Variants in TTC17 observed in about 807,000 individuals in gnomAD.
The protein encoded by TTC17 is tetratricopeptide repeat domain 17.
In TTC17, 58 loss-of-function variants were observed where a neutral mutation model predicts 143.8. The ratio of observed to expected loss-of-function variants is 0.40; its 90% CI spans 0.33 to 0.50. The LOEUF (loss-of-function observed/expected upper bound fraction) is 0.50, where lower values mean the gene tolerates loss of function less well. Ranked by LOEUF, TTC17 falls within the 20% of genes least tolerant of loss-of-function variation. TTC17 has a pLI of 0.49. For synonymous variants in TTC17, 501 were observed against 497.8 expected (o/e 1.01, Z -0.09); for missense variants, 1,273 against 1,392.5 (o/e 0.91, Z 1.37).
At position 43,405,511 on chromosome 11, in the gene TTC17, C is replaced by T. The variant is rs759238066; in HGVS notation, c.1480-3C>T. 5.0e-6 allele frequency: 8 copies of T among 1,607,392 alleles called. No individual in the cohort carries two copies. Among genetic ancestry groups the T allele is most frequent in the Non-Finnish European group, 6.8e-6 (8 of 1,176,762 alleles). On this transcript the variant is annotated splice_polypyrimidine_tract_variant and splice_region_variant and intron_variant, in intron 11 of 23. Coordinates refer to ENST00000039989, the MANE Select transcript of TTC17 (RefSeq NM_018259.6). ...TTTATGAGAAATTTTGTTTCTTTAT[C>T]AGGACAAACAGCATATTCTATGGCC...
intron 1 of TTC17, among the ~76,000 whole-genome samples, chr11:43,369,188 A>T (rs535663616): frequency 6.6e-6 from 1 of 152,346 alleles, no homozygotes; most frequent in African/African-American, 2.4e-5. Context: ...ATGAATTAGA[A>T]AATGTGGACT....
chr11:43,463,273 A>G (rs1278750495), intron 21 of TTC17, among the ~76,000 whole-genome samples: 1 of 152,166 alleles, frequency 6.6e-6, no homozygotes, highest in Non-Finnish European at 1.5e-5. Flanking sequence ...AACACTTAAC[A>G]TATGACTGAG....
chr11:43,381,198 T>C (rs1366661458), intron 2 of TTC17, among the ~76,000 whole-genome samples: 1 of 152,230 alleles, frequency 6.6e-6, no homozygotes, highest in Non-Finnish European at 1.5e-5. Context: ...TATTTTTGTT[T>C]ATACTTATAC....
chr11:43,486,880 T>C (rs1294575728), intron 21 of TTC17, among the ~76,000 whole-genome samples: 1 of 151,028 alleles, frequency 6.6e-6, no homozygotes, highest in Non-Finnish European at 1.5e-5. Context: ...TACAAAAAAT[T>C]TAAAAATTAG....
At chr11:43,466,750 A>G (rs1427615368) in intron 21 of TTC17, 9 of 309,974 alleles carry the variant, frequency 2.9e-5, no homozygotes, top group Admixed American at 6.7e-5. Flanking sequence ...AAATGGTGGG[A>G]TGGCAAGCAT....
intron 21 of TTC17, among the ~76,000 whole-genome samples, chr11:43,459,039 C>A (rs1350496922): frequency 6.6e-6 from 1 of 152,122 alleles, no homozygotes; most frequent in Non-Finnish European, 1.5e-5. Flanking sequence ...ACATATTCCC[C>A]TCAGATAAGA....
intron 16 of TTC17, among the ~76,000 whole-genome samples, chr11:43,439,806 G>A (rs1947375796): frequency 6.6e-6 from 1 of 151,974 alleles, no homozygotes. Flanking sequence ...CCTAGTCCCT[G>A]TGATTCTTGA....
At chr11:43,457,631 A>G (rs2134777435) in intron 21 of TTC17, among the ~76,000 whole-genome samples, 1 of 152,284 alleles carries the variant, frequency 6.6e-6, no homozygotes, top group South Asian at 2.1e-4. Flanking sequence ...GAGAACTAAA[A>G]ACTACTTTAA....
At chr11:43,480,546 C>T (rs375414714) in intron 21 of TTC17, among the ~76,000 whole-genome samples, 22 of 152,062 alleles carry the variant, frequency 1.4e-4, no homozygotes, top group African/African-American at 5.3e-4. Context: ...ATCTGAGACC[C>T]AAGAAGATTT....
intron 21 of TTC17, among the ~76,000 whole-genome samples, chr11:43,463,258 A>G (rs1277352908): frequency 6.6e-6 from 1 of 152,122 alleles, no homozygotes; most frequent in African/African-American, 2.4e-5. Flanking sequence ...CATTTATCAT[A>G]TGTGAACACT....
At chr11:43,478,098 A>G (rs1213310109) in intron 21 of TTC17, among the ~76,000 whole-genome samples, 2 of 152,214 alleles carry the variant, frequency 1.3e-5, no homozygotes, top group African/African-American at 4.8e-5. Context: ...AACAGGGAAC[A>G]AAGGAGCATG....
At chr11:43,446,271 A>C in intron 18 of TTC17, 1 of 882,488 alleles carries the variant, frequency 1.1e-6, no homozygotes, top group East Asian at 4.2e-5. Flanking sequence ...TAAACTTCAA[A>C]ATCAAGTGCC....
At chr11:43,424,134 C>G (rs1590396826) in intron 16 of TTC17, among the ~76,000 whole-genome samples, 1 of 151,360 alleles carries the variant, frequency 6.6e-6, no homozygotes, top group African/African-American at 2.4e-5. Context: ...CTCTTGTCGC[C>G]CAGGCTAGAG....
In TTC17 at chr11:43,462,921, C is replaced by CTTTTTTTTTTTTTTTTTTTTTTTTTTTT. The variant is rs562594929; in HGVS notation, c.3030+11668_3030+11669insTTTTTTTTTTTTTTTTTTTTTTTTTTTT. ...CACTGAATCCAGCAGTGACAAAATT[C>CTTTTTTTTTTTTTTTTTTTTTTTTTTTT]TTTTTTTTTTTTGAGACAGAGTCTC... On this transcript the variant is annotated intron_variant, in intron 21 of 23. Coordinates refer to ENST00000039989, the MANE Select transcript of TTC17 (RefSeq NM_018259.6). Among the ~76,000 whole-genome samples, 420 of 117,686 alleles carry CTTTTTTTTTTTTTTTTTTTTTTTTTTTT rather than the reference C, an allele frequency of 3.6e-3. 91 individuals are homozygous for CTTTTTTTTTTTTTTTTTTTTTTTTTTTT. Among genetic ancestry groups the CTTTTTTTTTTTTTTTTTTTTTTTTTTTT allele is most frequent in the African/African-American group, 0.016 (394 of 24,708 alleles). The allele number at this position is 117,686 out of a possible 152,430, so 77.2% of individuals were successfully genotyped here.
intron 16 of TTC17, among the ~76,000 whole-genome samples, chr11:43,433,922 C>T (rs1208326158): frequency 1.3e-5 from 2 of 152,186 alleles, no homozygotes; most frequent in Non-Finnish European, 2.9e-5. Flanking sequence ...AGAATTGTCT[C>T]TGAGAAGTGT....
At chr11:43,470,548 G>T (rs1246343258) in intron 21 of TTC17, among the ~76,000 whole-genome samples, 1 of 152,160 alleles carries the variant, frequency 6.6e-6, no homozygotes, top group Non-Finnish European at 1.5e-5. Context: ...GTCCAGATAG[G>T]TTTACCAACC....
At chr11:43,408,956 T>C in intron 15 of TTC17, among the ~76,000 whole-genome samples, 1 of 152,078 alleles carries the variant, frequency 6.6e-6, no homozygotes, top group East Asian at 1.9e-4. Context: ...TTGCCAAGGC[T>C]GGTCTTGAAC....
At chr11:43,377,616 A>C (rs1245352440) in intron 1 of TTC17, among the ~76,000 whole-genome samples, 1 of 151,444 alleles carries the variant, frequency 6.6e-6, no homozygotes, top group African/African-American at 2.4e-5. Flanking sequence ...CTGTCAGTGA[A>C]CTCCCTTCCT....
Position 43,399,894 on chromosome 11 carries a change from C to A in TTC17, c.1065C>A (p.Leu355=). ...EQKLEAQHRS[L]QRTLNELKEY... ...GGTATTAAAAAATGTTAAGATCTCTCCAGCGAACACTGAATGAGTTAAAAG... is the reference window on the plus strand; with the variant it reads ...GGTATTAAAAAATGTTAAGATCTCTACAGCGAACACTGAATGAGTTAAAAG... Residue 355 remains leucine (L), a synonymous_variant, in exon 9 of 24, where the codon CTC becomes CTA. Coordinates refer to ENST00000039989, the MANE Select transcript of TTC17 (RefSeq NM_018259.6). 6.2e-7 allele frequency: 1 copy of A among 1,608,170 alleles called. No homozygotes were observed. The highest frequency in any genetic ancestry group is 8.5e-7 in the Non-Finnish European group (1 of 1,178,008).
Sources: gnomAD v4.1 joint callset for allele counts (sites outside exome capture counted in the v4.1 genomes callset) on GRCh38, gnomAD v4.1.1 for gene constraint, MANE v1.5 for transcripts, NCBI Gene and HGNC (gene_info 2026-07-23, HGNC 2026-07-21) for gene names.